The following PPM1H variants were observed in gnomAD, a reference collection of about 807,000 sequenced individuals.
PPM1H encodes protein phosphatase 1H.
A neutral mutation model predicts 54.9 loss-of-function variants in PPM1H; 27 were observed. The ratio of observed to expected loss-of-function variants is 0.49; its 90% CI spans 0.36 to 0.68. The LOEUF is 0.68. PPM1H is among the 30% of genes least tolerant of loss of function. The probability of loss-of-function intolerance (pLI) is 0.00; values close to 1 mark genes in which losing one functional copy is unlikely to be tolerated. For missense variants in PPM1H, 596 were observed against 667.8 expected, an observed-to-expected ratio of 0.89 and a Z score of 1.19; for synonymous variants, 305 against 270.8, an observed-to-expected ratio of 1.13 and a Z score of -1.24.
chr12:62,752,513 A>C (rs2076448036), intron 4 of PPM1H, among the ~76,000 whole-genome samples: 1 of 152,230 alleles, frequency 6.6e-6, no homozygotes, highest in African/African-American at 2.4e-5. Flanking sequence ...AAGAAGGAAG[A>C]TTGACAGGGG....
intron 1 of PPM1H, among the ~76,000 whole-genome samples, chr12:62,888,059 G>A (rs569444297): frequency 3.3e-5 from 5 of 152,278 alleles, no homozygotes; most frequent in South Asian, 4.1e-4. Flanking sequence ...ATGGATGCAG[G>A]AAAAGCAGTT....
At chr12:62,777,146 A>G (rs1475634776) in intron 4 of PPM1H, among the ~76,000 whole-genome samples, 2 of 152,254 alleles carry the variant, frequency 1.3e-5, no homozygotes, top group Non-Finnish European at 2.9e-5. Context: ...ACTCTGCTGC[A>G]ATGGATTCTG....
At chr12:62,817,152 T>TAAAAAAAA (rs2076873724) in intron 2 of PPM1H, among the ~76,000 whole-genome samples, 11 of 63,132 alleles carry the variant, frequency 1.7e-4, no homozygotes, top group East Asian at 4.6e-4. Context: ...AAAAAAAAAC[T>TAAAAAAAA]AAAAAAAAGA....
At chr12:62,827,316 G>A (rs1565801189) in intron 2 of PPM1H, among the ~76,000 whole-genome samples, 1 of 152,184 alleles carries the variant, frequency 6.6e-6, no homozygotes, top group East Asian at 1.9e-4. Context: ...TTGGTCATTT[G>A]CTCACCTTAA....
chr12:62,715,562 G>A (rs1408314541), intron 6 of PPM1H, among the ~76,000 whole-genome samples: 3 of 152,058 alleles, frequency 2.0e-5, no homozygotes, highest in South Asian at 2.1e-4. Flanking sequence ...CACAGTCTCC[G>A]TGAAAGCATG....
intron 2 of PPM1H, among the ~76,000 whole-genome samples, chr12:62,827,319 C>T (rs544189621): frequency 1.3e-5 from 2 of 152,240 alleles, no homozygotes; most frequent in African/African-American, 2.4e-5. Flanking sequence ...GTCATTTGCT[C>T]ACCTTAACTG....
At chr12:62,665,648 T>C (rs1194899004) in intron 9 of PPM1H, among the ~76,000 whole-genome samples, 1 of 152,246 alleles carries the variant, frequency 6.6e-6, no homozygotes, top group Non-Finnish European at 1.5e-5. Flanking sequence ...TTCCTATTTT[T>C]AAATTTATCA....
chr12:62,924,667 C>T (rs1871917243), intron 1 of PPM1H, among the ~76,000 whole-genome samples: 1 of 152,174 alleles, frequency 6.6e-6, no homozygotes, highest in African/African-American at 2.4e-5. Context: ...TCTTTGTAAG[C>T]TAATATTCAG....
chr12:62,826,022 C>CA (rs200995343), intron 2 of PPM1H, among the ~76,000 whole-genome samples: 1,645 of 151,480 alleles, frequency 0.011, 13 homozygotes, highest in Middle Eastern at 0.021. Context: ...TTTTCTCTAC[C>CA]AAAAAAAATG....
chr12:62,702,667 G>A (rs532211396), intron 6 of PPM1H, among the ~76,000 whole-genome samples: 17 of 152,230 alleles, frequency 1.1e-4, no homozygotes, highest in Non-Finnish European at 2.1e-4. Flanking sequence ...GATCCCCTCC[G>A]GGGGGTATAA....
chr12:62,820,954 C>T (rs1296822232), intron 2 of PPM1H, among the ~76,000 whole-genome samples: 1 of 152,080 alleles, frequency 6.6e-6, no homozygotes, highest in Non-Finnish European at 1.5e-5. Flanking sequence ...TTCAGGAGGT[C>T]GGTAATAACA....
intron 8 of PPM1H, among the ~76,000 whole-genome samples, chr12:62,674,333 C>T (rs901953225): frequency 6.6e-6 from 1 of 152,102 alleles, no homozygotes; most frequent in Admixed American, 6.5e-5. Flanking sequence ...AGGTGGTTCC[C>T]AAGGTAAAGG....
chr12:62,699,498 A>G (rs2076132063), intron 6 of PPM1H, among the ~76,000 whole-genome samples: 1 of 152,234 alleles, frequency 6.6e-6, no homozygotes, highest in South Asian at 2.1e-4. Flanking sequence ...ACACCGGGCA[A>G]TTTCCTTTTC....
At chr12:62,894,575 A>G (rs1251667502) in intron 1 of PPM1H, among the ~76,000 whole-genome samples, 1 of 152,226 alleles carries the variant, frequency 6.6e-6, no homozygotes, top group Non-Finnish European at 1.5e-5. Flanking sequence ...GTCCTCATCT[A>G]TAAAACAGGG....
chr12:62,655,713 G>A (rs368233682), intron 9 of PPM1H, among the ~76,000 whole-genome samples: 4 of 152,302 alleles, frequency 2.6e-5, no homozygotes, highest in African/African-American at 7.2e-5. Flanking sequence ...TGTGGCAGCC[G>A]GAGCCCGATG....
chr12:62,680,731 C>T (rs1387925960), intron 8 of PPM1H, among the ~76,000 whole-genome samples: 1 of 152,156 alleles, frequency 6.6e-6, no homozygotes, highest in Non-Finnish European at 1.5e-5. Context: ...CCCAGCTGAA[C>T]CCAGTCAACC....
chr12:62,752,990 C>T (rs1483324984), intron 4 of PPM1H, among the ~76,000 whole-genome samples: 1 of 151,964 alleles, frequency 6.6e-6, no homozygotes, highest in East Asian at 1.9e-4. Flanking sequence ...GGTGGAGGGG[C>T]TGGTGAAGAC....
chr12:62,774,057 C>T (rs77858227), intron 4 of PPM1H, among the ~76,000 whole-genome samples: 60 of 152,268 alleles, frequency 3.9e-4, no homozygotes, highest in African/African-American at 1.4e-3. Flanking sequence ...AAAAGAGTTA[C>T]TTTGATAGAG....
intron 1 of PPM1H, among the ~76,000 whole-genome samples, chr12:62,849,467 A>AC (rs1166736698): frequency 6.6e-6 from 1 of 152,168 alleles, no homozygotes; most frequent in Non-Finnish European, 1.5e-5. Context: ...CTGATATCCC[A>AC]CCTGATTCCA....
Sources: gnomAD v4.1 joint callset for allele counts (sites outside exome capture counted in the v4.1 genomes callset) on GRCh38, gnomAD v4.1.1 for gene constraint, MANE v1.5 for transcripts, NCBI Gene and HGNC (gene_info 2026-07-23, HGNC 2026-07-21) for gene names.